Variants in ATP11C observed in about 807,000 individuals in gnomAD.
The protein encoded by ATP11C is ATPase phospholipid transporting 11C (ATP11C blood group).
ATP11C carries 36 observed loss-of-function variants against 97.4 expected under a neutral mutation model. The ratio of observed to expected loss-of-function variants is 0.37; its 90% CI spans 0.28 to 0.49. The LOEUF is 0.49. ATP11C is among the 20% of genes least tolerant of loss of function. ATP11C has a pLI of 0.98. For missense variants in ATP11C, 730 were observed against 824.6 expected, an observed-to-expected ratio of 0.89 and a Z score of 1.40; for synonymous variants, 275 against 290.9, an observed-to-expected ratio of 0.95 and a Z score of 0.56.
At chrX:139,935,015 A>G (rs1490654876), upstream of ATP11C, among the ~76,000 whole-genome samples, 1 of 112,105 alleles carries the variant, frequency 8.9e-6, no homozygotes, top group East Asian at 2.8e-4. Context: ...ACCAAAATAC[A>G]TCCTTATCAA....
intron 12 of ATP11C, among the ~76,000 whole-genome samples, chrX:139,794,110 T>C (rs1341379190): frequency 3.6e-5 from 4 of 112,226 alleles, no homozygotes; most frequent in African/African-American, 1.3e-4. Flanking sequence ...GTCTAAAAGA[T>C]TGATGTCTAA....
intron 23 of ATP11C, among the ~76,000 whole-genome samples, chrX:139,757,174 A>G (rs774098093): frequency 1.8e-5 from 2 of 110,965 alleles, no homozygotes; most frequent in African/African-American, 6.5e-5. Context: ...AACTTCTCAT[A>G]GATTAATTAT....
chrX:139,811,115 CAT>C (rs1282057541), intron 5 of ATP11C, among the ~76,000 whole-genome samples: 1 of 111,314 alleles, frequency 9.0e-6, no homozygotes, highest in East Asian at 2.8e-4. Context: ...TAAAGCATGA[CAT>C]ATGATTGAGA....
At chrX:139,842,910 T>TC (rs1462814842) in intron 1 of ATP11C, among the ~76,000 whole-genome samples, 1 of 112,030 alleles carries the variant, frequency 8.9e-6, no homozygotes, top group African/African-American at 3.2e-5. Context: ...CATTCTAACT[T>TC]CATTTTCCAC....
At chrX:139,775,391 C>T (rs191230585) in intron 18 of ATP11C, among the ~76,000 whole-genome samples, 69 of 112,174 alleles carry the variant, frequency 6.2e-4, no homozygotes, top group African/African-American at 2.1e-3. Context: ...CCTTGAGGAG[C>T]TTTAAGAACA....
intron 25 of ATP11C, among the ~76,000 whole-genome samples, chrX:139,745,258 T>C (rs2081655299): frequency 1.8e-5 from 2 of 111,281 alleles, no homozygotes; most frequent in Admixed American, 1.9e-4. Context: ...CAGAATACTG[T>C]GCTTCCATTG....
In ATP11C at chrX:139,841,328, G is replaced by A. The variant is rs889106528; in HGVS notation, c.28-14505C>T. On this transcript the variant is annotated intron_variant, in intron 1 of 29. Transcript: ENST00000682941. ...CTACTACAATTAGACAACAAGACTTGTTTCAGTAGTTTTCATCCACACACT... is the reference window on the plus strand; with the variant it reads ...CTACTACAATTAGACAACAAGACTTATTTCAGTAGTTTTCATCCACACACT... 3.6e-5 allele frequency among the ~76,000 whole-genome samples: 4 copies of A among 112,178 alleles called. No individual in the cohort carries two copies. The South Asian group carries it at 1.1e-3, about 31-fold the overall frequency.
In ATP11C at chrX:139,782,673, T is replaced by C. The variant is rs763035660; in HGVS notation, c.1826A>G (p.Glu609Gly). 1.7e-5 allele frequency: 20 copies of C among 1,205,136 alleles called. No homozygotes were observed. In the Admixed American group the frequency reaches 3.7e-4, roughly 23 times the overall value. ...CTCTATGAGCTGTCTGTTAATTCTT[T>C]CATAATCATCTGGAGCAATTTCTTT... ...AFKEIAPDDYERINRQLIEAK... is the reference protein window; with the variant it reads ...AFKEIAPDDYGRINRQLIEAK... The change falls in exon 18 of 30, where the codon GAA becomes GGA. Residue 609 changes from glutamate (E) to glycine (G), a missense_variant. Transcript: ENST00000682941.
chrX:139,928,711 C>T (rs1297820266), intron 1 of ATP11C, among the ~76,000 whole-genome samples: 1 of 111,718 alleles, frequency 9.0e-6, no homozygotes, highest in African/African-American at 3.3e-5. Flanking sequence ...ATGCTACATG[C>T]TTTATGAAAC....
At chrX:139,917,503 T>A (rs1440416774) in intron 1 of ATP11C, among the ~76,000 whole-genome samples, 2 of 111,074 alleles carry the variant, frequency 1.8e-5, no homozygotes, top group Non-Finnish European at 3.8e-5. Flanking sequence ...AAAAAGGAAA[T>A]AACCCCCCCG....
At chrX:139,784,697 G>A (rs1236293586) in intron 16 of ATP11C, among the ~76,000 whole-genome samples, 1 of 110,980 alleles carries the variant, frequency 9.0e-6, no homozygotes, top group Non-Finnish European at 1.9e-5. Flanking sequence ...GCTCAACAAA[G>A]AACCTGAGCT....
chrX:139,824,444 G>A lies in ATP11C; in HGVS notation c.147+2260C>T, dbSNP rs372779172. Among the ~76,000 whole-genome samples, 12 of 111,949 alleles carry A rather than the reference G, an allele frequency of 1.1e-4. No homozygotes were observed. In the East Asian group the frequency reaches 2.5e-3, roughly 24 times the overall value. On this transcript the variant is annotated intron_variant, in intron 2 of 29. Transcript: ENST00000682941. ...AGGCCGGGTGCAGTGGTTCACGCCT[G>A]TAATCCCAGCACTTTGGAAGGCCAA... is the stretch of plus-strand genomic sequence containing the variant.
intron 1 of ATP11C, among the ~76,000 whole-genome samples, chrX:139,913,657 C>G (rs891009446): frequency 9.0e-6 from 1 of 111,251 alleles, no homozygotes; most frequent in Non-Finnish European, 1.9e-5. Flanking sequence ...CCCGCCCCTA[C>G]CGGCCAGAGA....
At position 139,836,554 on chromosome X, in the gene ATP11C, G is replaced by C. The variant is rs1216998621; in HGVS notation, c.28-9731C>G. The stretch of plus-strand genomic sequence containing the variant: ...AAAAACAATTTCAGGCTTCAAAGCA[G>C]AAAAGGAGGGAAAAATAAATAAAAC... On this transcript the variant is annotated intron_variant, in intron 1 of 29. Coordinates refer to ENST00000682941, the MANE Select transcript of ATP11C (RefSeq NM_001353812.2). Among the ~76,000 whole-genome samples, 3 of 111,461 alleles carry C rather than the reference G, an allele frequency of 2.7e-5. 1 individual carries two copies. The highest frequency in any genetic ancestry group is 3.8e-5 in the Non-Finnish European group (2 of 53,110).
chrX:139,749,796 A>G (rs190198162), intron 24 of ATP11C, among the ~76,000 whole-genome samples: 2 of 112,090 alleles, frequency 1.8e-5, no homozygotes, highest in Admixed American at 1.9e-4. Flanking sequence ...TTTAGGAATT[A>G]GTGACTCTGA....
chrX:139,827,294 A>G (rs1002876130), intron 1 of ATP11C, among the ~76,000 whole-genome samples: 5 of 112,451 alleles, frequency 4.4e-5, no homozygotes, highest in African/African-American at 9.7e-5. Context: ...ATAATTGTGT[A>G]TAAGTGTAAA....
chrX:139,878,379 A>C (rs1185931716), intron 1 of ATP11C, among the ~76,000 whole-genome samples: 1 of 112,268 alleles, frequency 8.9e-6, no homozygotes, highest in Non-Finnish European at 1.9e-5. Context: ...TTATCACACA[A>C]AGTTAGTAAA....
chrX:139,827,295 T>G (rs1185505946), intron 1 of ATP11C, among the ~76,000 whole-genome samples: 1 of 112,221 alleles, frequency 8.9e-6, no homozygotes, highest in Non-Finnish European at 1.9e-5. Flanking sequence ...TAATTGTGTA[T>G]AAGTGTAAAG....
intron 5 of ATP11C, among the ~76,000 whole-genome samples, chrX:139,808,477 G>A (rs1386073013): frequency 9.0e-6 from 1 of 111,280 alleles, no homozygotes; most frequent in South Asian, 3.8e-4. Flanking sequence ...AAATGTAAAG[G>A]CATCAAAGAA....
Sources: gnomAD v4.1 joint callset for allele counts (sites outside exome capture counted in the v4.1 genomes callset) on GRCh38, gnomAD v4.1.1 for gene constraint, MANE v1.5 for transcripts, NCBI Gene and HGNC (gene_info 2026-07-23, HGNC 2026-07-21) for gene names.